The following PIDD1 variants were observed in gnomAD, a reference collection of about 807,000 sequenced individuals.
The protein encoded by PIDD1 is p53-induced death domain protein 1.
A neutral mutation model predicts 80.0 loss-of-function variants in PIDD1; 72 were observed. The ratio of observed to expected loss-of-function variants is 0.90; its 90% CI spans 0.74 to 1.09. PIDD1 has a LOEUF of 1.09. Ranked by LOEUF, PIDD1 falls within the 50% of genes least tolerant of loss-of-function variation. PIDD1 has a pLI of 0.00. For missense variants in PIDD1, 1,329 were observed against 1,228.3 expected (o/e 1.08, Z -1.23); for synonymous variants, 655 against 543.5 (o/e 1.21, Z -2.85).
In PIDD1 at chr11:800,448, C is replaced by A; in HGVS notation, c.2045G>T (p.Arg682Leu). The A allele has an allele frequency of 6.2e-7, 1 of 1,612,278 alleles. No individual in the cohort carries two copies. The highest frequency in any genetic ancestry group is 8.5e-7 in the Non-Finnish European group (1 of 1,179,964). The stretch of plus-strand genomic sequence containing the variant: ...GATTCTGCCCTCCACACAGTCAGGG[C>A]GGTCTAGGGGACAGGGGTGGGCTGA... ...FERGIDVDAD[R>L]PDCVEGRICF... The change falls in exon 13 of 16, where the codon CGC becomes CTC. Residue 682 changes from arginine (R) to leucine (L), a missense_variant. Physicochemically the swap from Arg to Leu is moderately radical, Grantham distance 102 (BLOSUM62 -2). Transcript: ENST00000347755.
chr11:806,504 C>A (rs1865779191), upstream of PIDD1, among the ~76,000 whole-genome samples: 1 of 152,184 alleles, frequency 6.6e-6, no homozygotes, highest in Non-Finnish European at 1.5e-5. Context: ...CCATCCCTCC[C>A]TCTGGGACAG....
At chr11:804,642 G>A (rs1211073611) in intron 1 of PIDD1, 179 bp from the exon 2 acceptor site, 4 of 541,654 alleles carry the variant, frequency 7.4e-6, no homozygotes, top group Non-Finnish European at 1.2e-5. Flanking sequence ...CTGGAAAGAG[G>A]GTTGGGGAAT....
rs780782021 is a variant in PIDD1, at chr11:804,218, C to A, written c.171G>T (p.Gln57His). The A allele has an allele frequency of 2.5e-6, 4 of 1,613,148 alleles. No individual in the cohort carries two copies. Among genetic ancestry groups the A allele is most frequent in the Non-Finnish European group, 2.5e-6 (3 of 1,179,910 alleles). The change falls in exon 2 of 16, where the codon CAG becomes CAT. Residue 57 changes from glutamine (Q) to histidine (H), a missense_variant. By Grantham distance (24) the Gln-to-His change is conservative (BLOSUM62 0). Coordinates refer to ENST00000347755, the MANE Select transcript of PIDD1 (RefSeq NM_145886.4). ...CQQLLHLCVQ[Q>H]PLQLLQVEFL... ...ATTCCACCTGCAGCAGCTGCAGAGG[C>A]TGCTGGACACACAGGTGCAGCAGCT...
chr11:806,357 G>A (rs150969650), upstream of PIDD1, among the ~76,000 whole-genome samples: 30 of 151,166 alleles, frequency 2.0e-4, no homozygotes, highest in African/African-American at 5.9e-4. Context: ...ACCCCCGAGC[G>A]GGCCTGTGCT....
In PIDD1 at chr11:803,161, A is replaced by T; in HGVS notation, c.709+13T>A. The T allele has an allele frequency of 6.4e-7, 1 of 1,571,780 alleles. No homozygotes were observed. On this transcript the variant is annotated intron_variant, in intron 3 of 15. Coordinates refer to ENST00000347755, the MANE Select transcript of PIDD1 (RefSeq NM_145886.4). Reference sequence around the variant, plus strand: ...CCGTGGGGCCAGTGTGTCGGGGCGCAGGGGCTACTCACCCAGAGAGGCTGG... The same window carrying T: ...CCGTGGGGCCAGTGTGTCGGGGCGCTGGGGCTACTCACCCAGAGAGGCTGG...
chr11:802,851 G>T lies in PIDD1; in HGVS notation c.750C>A (p.Asn250Lys). The change falls in exon 4 of 16, where the codon AAC becomes AAA. Residue 250 changes from asparagine to lysine, a missense_variant. Coordinates refer to ENST00000347755, the MANE Select transcript of PIDD1 (RefSeq NM_145886.4). The stretch of plus-strand genomic sequence containing the variant: ...AGTCAGCTGGCACAGAGGCCAGGAG[G>T]TTGCTGTGCAGGACAAGGAGCCGCA... ...RSLRLLVLHS[N>K]LLASVPADLA... The T allele has an allele frequency of 6.3e-7, 1 of 1,588,182 alleles. No individual in the cohort carries two copies. Among genetic ancestry groups the T allele is most frequent in the Non-Finnish European group, 8.6e-7 (1 of 1,168,126 alleles).
Position 803,267 on chromosome 11 carries a change from G to A in PIDD1, c.616C>T (p.Leu206=), listed in dbSNP as rs747731106. 81 of 1,613,462 alleles carry A rather than the reference G, an allele frequency of 5.0e-5. No homozygotes were observed. The South Asian group carries it at 8.6e-4, about 17-fold the overall frequency. Reference sequence around the variant, plus strand: ...CCAATCTCAGGAGGTAGCGTGTCCAGCAGATTCTGAGAGAGATCGAGGCGC... The same window carrying A: ...CCAATCTCAGGAGGTAGCGTGTCCAACAGATTCTGAGAGAGATCGAGGCGC... The part of the protein sequence containing the change: ...LQRLDLSQNL[L]DTLPPEIGGL... Residue 206 remains leucine, a synonymous_variant, in exon 3 of 16, where the codon CTG becomes TTG. Transcript: ENST00000347755.
chr11:802,158 T>C (rs1159547835), intron 6 of PIDD1, 37 bp downstream of exon 6: 5 of 1,566,318 alleles, frequency 3.2e-6, no homozygotes, highest in South Asian at 1.2e-5. Flanking sequence ...TGCCATGCCC[T>C]GGCCCACACA....
chr11:801,556 A>T lies in PIDD1; in HGVS notation c.1371T>A (p.Asn457Lys), dbSNP rs1339633506. 1.0e-5 allele frequency: 16 copies of T among 1,569,344 alleles called. No homozygotes were observed. The highest frequency in any genetic ancestry group is 1.2e-5 in the Non-Finnish European group (14 of 1,157,292). The stretch of plus-strand genomic sequence containing the variant: ...TCCCCTCCGGTGGCACCAGGCAGGC[A>T]TTGGACACAGGGCGGGAAACCACAA... The part of the protein sequence containing the change: ...WFLVVSRPVS[N>K]ACLVPPEGTL... Residue 457 changes from asparagine to lysine, a missense_variant, in exon 8 of 16, where the codon AAT (asparagine) becomes AAA (lysine). By Grantham distance (94) the Asn-to-Lys change is moderately conservative (BLOSUM62 0). Coordinates refer to ENST00000347755, the MANE Select transcript of PIDD1 (RefSeq NM_145886.4).
upstream of PIDD1, among the ~76,000 whole-genome samples, chr11:807,999 G>A (rs1458926250): frequency 6.6e-6 from 1 of 152,152 alleles, no homozygotes; most frequent in Non-Finnish European, 1.5e-5. Context: ...GCAAAATACT[G>A]TATTATTTCA....
chr11:799,544 G>T lies in PIDD1; in HGVS notation c.2496C>A (p.Ile832=), dbSNP rs1380474900. Residue 832 remains isoleucine (I), a synonymous_variant, in exon 16 of 16, where the codon ATC becomes ATA. Coordinates refer to ENST00000347755, the MANE Select transcript of PIDD1 (RefSeq NM_145886.4). ...HEFRDDLDEQ[I]RHMLFSWAER... is the part of the protein sequence containing the mutation. ...CAGCCCAGGAGAAGAGCATGTGACG[G>T]ATCTGCTCATCCAGATCATCCCTGC... The T allele has an allele frequency of 6.2e-7, 1 of 1,601,686 alleles. No individual in the cohort carries two copies. The highest frequency in any genetic ancestry group is 1.7e-5 in the Admixed American group (1 of 59,926).
chr11:800,166 C>T lies in PIDD1; in HGVS notation c.2239G>A (p.Ala747Thr), dbSNP rs374765193. ...EAARQRKGAD[A>T]LWMATLPIKL... ...ATGGGCAGAGTGGCCATCCACAGGG[C>T]GTCTGCGCCCTTCCTCTGCCGGGCA... The change falls in exon 14 of 16, where the codon GCC (alanine) becomes ACC (threonine). Residue 747 changes from alanine (A) to threonine (T), a missense_variant. Physicochemically the swap from Ala to Thr is moderately conservative, Grantham distance 58. Transcript: ENST00000347755. The T allele has an allele frequency of 1.6e-5, 25 of 1,610,526 alleles. No individual in the cohort carries two copies. Among genetic ancestry groups the T allele is most frequent in the South Asian group, 9.9e-5 (9 of 90,912 alleles).
rs554590814 is a variant in PIDD1 at position 802,041 on chromosome 11, C to T, written c.1226G>A (p.Arg409His). ...ATTCCGGGTCCTGACCACCACTTCA[C>T]GGCAGCGCCGGGCCTGCGGTGGGGT... ...LFTPPQARRC[R>H]EVVVRTRNDN... Residue 409 changes from arginine to histidine, a missense_variant, in exon 7 of 16, where the codon CGT (arginine) becomes CAT (histidine). Transcript: ENST00000347755. The T allele has an allele frequency of 6.2e-5, 98 of 1,592,348 alleles. No individual in the cohort carries two copies. Among genetic ancestry groups the T allele is most frequent in the Admixed American group, 1.9e-4 (11 of 56,840 alleles).
Position 801,680 on chromosome 11 carries a change from G to A in PIDD1, c.1303-56C>T, listed in dbSNP as rs745480327. 5.0e-6 allele frequency: 7 copies of A among 1,404,086 alleles called. No homozygotes were observed. In the Admixed American group the frequency reaches 1.2e-4, roughly 24 times the overall value. The allele number at this position is 1,404,086 out of a possible 1,614,324, so 87.0% of individuals were successfully genotyped here. ...GCCTGGGTCAGGGCACAGCCAGTCA[G>A]GGACACAGGGAGCAGGATCCAGGAG... is the stretch of plus-strand genomic sequence containing the variant. On this transcript the variant is annotated intron_variant, in intron 7 of 15. Transcript: ENST00000347755.
chr11:800,502 G>C (rs762769958), intron 12 of PIDD1, 41 bp downstream of exon 12: 9 of 1,609,794 alleles, frequency 5.6e-6, no homozygotes, highest in African/African-American at 4.0e-5. Flanking sequence ...GGACGGTAAG[G>C]CTCCCCCTCC....
chr11:799,616 C>A, intron 15 of PIDD1, 51 bp from the exon 16 acceptor site: 1 of 1,530,990 alleles, frequency 6.5e-7, no homozygotes, highest in East Asian at 2.3e-5. Flanking sequence ...TGCCCAGGAC[C>A]CCCCACCACA....
upstream of PIDD1, among the ~76,000 whole-genome samples, chr11:806,555 C>G (rs150103592): frequency 6.6e-6 from 1 of 152,040 alleles, no homozygotes; most frequent in African/African-American, 2.4e-5. Flanking sequence ...TTCACCCCAG[C>G]CCCTTCCATG....
chr11:802,583 G>A lies in PIDD1; in HGVS notation c.934C>T (p.Pro312Ser). 1.9e-6 allele frequency: 3 copies of A among 1,613,260 alleles called. No homozygotes were observed. Among genetic ancestry groups the A allele is most frequent in the Non-Finnish European group, 2.5e-6 (3 of 1,179,730 alleles). The change falls in exon 5 of 16, where the codon CCA becomes TCA. Residue 312 changes from proline (P) to serine (S), a missense_variant. Physicochemically the swap from Pro to Ser is moderately conservative, Grantham distance 74 (BLOSUM62 -1). Transcript: ENST00000347755. ...GTCAGGAACAGTCTGGGCATTTCTGGAATGAGGGCTGCCACTGTGCAGGGG... is the reference window on the plus strand; with the variant it reads ...GTCAGGAACAGTCTGGGCATTTCTGAAATGAGGGCTGCCACTGTGCAGGGG... ...APSSPVAALI[P>S]EMPRLFLTSD... is the part of the protein sequence containing the mutation.
chr11:803,747 C>A (rs1865572340), intron 2 of PIDD1, 160 bp from the exon 3 acceptor site: 1 of 809,464 alleles, frequency 1.2e-6, no homozygotes. Flanking sequence ...TGGAGAGGTG[C>A]CCGCAAATGG....
Sources: allele counts gnomAD v4.1 joint callset (sites outside exome capture counted in the v4.1 genomes callset), GRCh38; gene constraint gnomAD v4.1.1; transcripts MANE v1.5; gene names NCBI Gene and HGNC (gene_info 2026-07-23, HGNC 2026-07-21).